The following LRRN4 variants were observed in gnomAD, a reference collection of about 807,000 sequenced individuals.
LRRN4 encodes the protein leucine rich repeat neuronal 4, also known as leucine-rich repeat neuronal protein 4.
LRRN4 carries 26 observed loss-of-function variants against 22.3 expected under a neutral mutation model. The ratio of observed to expected loss-of-function variants is 1.16; its 90% CI spans 0.85 to 1.62. The LOEUF (loss-of-function observed/expected upper bound fraction) is 1.62, where lower values mean the gene tolerates loss of function less well. LRRN4 is among the 40% of genes most tolerant of loss of function. The pLI, the probability that LRRN4 is intolerant of heterozygous loss-of-function variation, is 0.00. For missense variants in LRRN4, 1,070 were observed against 1,008.5 expected (o/e 1.06, Z -0.83); for synonymous variants, 496 against 486.2 (o/e 1.02, Z -0.26).
rs761559261 is a variant in LRRN4 at position 6,041,047 on chromosome 20, G to A, written c.2198C>T (p.Pro733Leu). 4 of 1,613,952 alleles carry A rather than the reference G, an allele frequency of 2.5e-6. No homozygotes were observed. Among genetic ancestry groups the A allele is most frequent in the Admixed American group, 1.7e-5 (1 of 60,016 alleles). The change falls in exon 5 of 5, where the codon CCG (proline) becomes CTG (leucine). Residue 733 changes from proline to leucine, a missense_variant. Physicochemically the swap from Pro to Leu is moderately conservative, Grantham distance 98. Transcript: ENST00000378858. This position sits in a 1 kb window ranked among gnomAD's most constrained non-coding sequence, Gnocchi z 9.4. ...AYKNPAFDDY[P>L]LGLQTVS ...CTAACTGACGGTCTGGAGCCCCAGC[G>A]GGTAATCATCAAAGGCCGGGTTTTT...
In LRRN4 at chr20:6,041,450, G is replaced by A. The variant is rs1198318255; in HGVS notation, c.1795C>T (p.His599Tyr). ...TETTDTSALV[H>Y]WCAPNSVVHG... ...ACTACCGAGTTGGGGGCACACCAGT[G>A]GACCAGCGCCGACGTGTCCGTGGTC... Residue 599 changes from histidine (H) to tyrosine (Y), a missense_variant, in exon 5 of 5, where the codon CAC becomes TAC. By Grantham distance (83) the His-to-Tyr change is moderately conservative. Coordinates refer to ENST00000378858, the MANE Select transcript of LRRN4 (RefSeq NM_152611.5). The surrounding 1 kb of genome is among the most constrained non-coding windows in gnomAD (Gnocchi z 9.4). 1 of 1,554,478 alleles carries A rather than the reference G, an allele frequency of 6.4e-7. No homozygotes were observed. The highest frequency in any genetic ancestry group is 8.7e-7 in the Non-Finnish European group (1 of 1,148,530).
At chr20:6,042,934 AAAAT>A (rs1348763752) in intron 4 of LRRN4, among the ~76,000 whole-genome samples, 1 of 149,664 alleles carries the variant, frequency 6.7e-6, no homozygotes, top group African/African-American at 2.5e-5. Flanking sequence ...AAAAAAAAAA[AAAAT>A]ACTCATACTA....
rs528402788 is a variant in LRRN4 at position 6,041,948 on chromosome 20, T to C, written c.1297A>G (p.Thr433Ala). Residue 433 changes from threonine to alanine, a missense_variant, in exon 5 of 5, where the codon ACG becomes GCG. Coordinates refer to ENST00000378858, the MANE Select transcript of LRRN4 (RefSeq NM_152611.5). This position sits in a 1 kb window ranked among gnomAD's most constrained non-coding sequence, Gnocchi z 9.4. ...CTGTGACCTGCTACAGAGTTGGTCG[T>C]GGAGGGGGCAGTCCCCTCCCGTGCA... ...SDAREGTAPS[T>A]TNSVAGHSNS... 2.5e-5 allele frequency: 41 copies of C among 1,614,082 alleles called. No homozygotes were observed. The African/African-American group carries it at 4.7e-4, about 18-fold the overall frequency.
intron 1 of LRRN4, 110 bp from the exon 2 acceptor site, chr20:6,052,914 T>G (rs1019041500): frequency 1.3e-5 from 15 of 1,151,764 alleles, no homozygotes; most frequent in Non-Finnish European, 1.8e-5. Flanking sequence ...GCACAGGCGC[T>G]GGATGTTCCC....
chr20:6,044,599 A>G lies in LRRN4; in HGVS notation c.942T>C (p.Thr314=), dbSNP rs143224850. 4.9e-4 allele frequency: 780 copies of G among 1,594,466 alleles called. 3 individuals carry two copies. Among genetic ancestry groups the G allele is most frequent in the Middle Eastern group, 4.5e-3 (27 of 6,038 alleles). The change falls in exon 4 of 5, where the codon ACT becomes ACC. Residue 314 remains threonine (T), a synonymous_variant. Coordinates refer to ENST00000378858, the MANE Select transcript of LRRN4 (RefSeq NM_152611.5). ...LSINLFGNPL[T]CSCDLSWLLT... ...GGAGCCAAGACAAGTCACAACTGCA[A>G]GTGAGGGGGTTGCCAAAGAGGTTGA... is the stretch of plus-strand genomic sequence containing the variant.
Position 6,041,637 on chromosome 20 carries a change from C to T in LRRN4, c.1608G>A (p.Glu536=). The part of the protein sequence containing the change: ...DYSEEEEGRK[E]EVGTPHQDVP... The stretch of plus-strand genomic sequence containing the variant: ...CGTCCTGGTGAGGCGTTCCCACCTC[C>T]TCCTTCCTCCCTTCCTCCTCCTCAC... Residue 536 remains glutamate, a synonymous_variant, in exon 5 of 5, where the codon GAG becomes GAA. Coordinates refer to ENST00000378858, the MANE Select transcript of LRRN4 (RefSeq NM_152611.5). This position sits in a 1 kb window ranked among gnomAD's most constrained non-coding sequence, Gnocchi z 9.4. 1 of 1,601,530 alleles carries T rather than the reference C, an allele frequency of 6.2e-7. No homozygotes were observed. Among genetic ancestry groups the T allele is most frequent in the Non-Finnish European group, 8.5e-7 (1 of 1,172,914 alleles).
In LRRN4 at chr20:6,041,172, G is replaced by C. The variant is rs754466150; in HGVS notation, c.2073C>G (p.Ser691Arg). 2 of 1,598,812 alleles carry C rather than the reference G, an allele frequency of 1.3e-6. No homozygotes were observed. The highest frequency in any genetic ancestry group is 1.3e-5 in the African/African-American group (1 of 74,472). Residue 691 changes from serine (S) to arginine (R), a missense_variant, in exon 5 of 5, where the codon AGC (serine) becomes AGG (arginine). Ser to Arg is a moderately radical substitution (Grantham distance 110, BLOSUM62 -1). Coordinates refer to ENST00000378858, the MANE Select transcript of LRRN4 (RefSeq NM_152611.5). The surrounding 1 kb of genome is among the most constrained non-coding windows in gnomAD (Gnocchi z 9.4). The part of the protein sequence containing the change: ...ALLLSGLCAA[S>R]GLLLASTVVL... The stretch of plus-strand genomic sequence containing the variant: ...CCACGGTGCTGGCGAGCAACAGGCC[G>C]CTGGCGGCGCACAGCCCAGAGAGCA...
chr20:6,042,105 G>A lies in LRRN4; in HGVS notation c.1140C>T (p.Arg380=). The A allele has an allele frequency of 6.2e-7, 1 of 1,614,178 alleles. No homozygotes were observed. Among genetic ancestry groups the A allele is most frequent in the South Asian group, 1.1e-5 (1 of 91,090 alleles). ...LGASHPPCFN[R]STYAQGTTVA... is the part of the protein sequence containing the mutation. ...CGGTGGTACCCTGTGCGTAGGTGGA[G>A]CGGTTGAAGCAAGGTGGGTGTGAAG... Residue 380 remains arginine, a synonymous_variant, in exon 5 of 5, where the codon CGC becomes CGT. Transcript: ENST00000378858.
rs1292867114 is a variant in LRRN4 at position 6,052,343 on chromosome 20, G to A, written c.457C>T (p.Leu153Phe). ...PALSSLRALALAGNPLRALQP... is the reference protein window; with the variant it reads ...PALSSLRALAFAGNPLRALQP... ...AGCGCCCGCAGCGGATTCCCGGCGA[G>A]CGCCAGGGCGCGGAGGCTGCTCAGC... Residue 153 changes from leucine (L) to phenylalanine (F), a missense_variant, in exon 2 of 5, where the codon CTC (leucine) becomes TTC (phenylalanine). By Grantham distance (22) the Leu-to-Phe change is conservative (BLOSUM62 0). Transcript: ENST00000378858. 4.6e-6 allele frequency: 7 copies of A among 1,506,068 alleles called. No homozygotes were observed. The Admixed American group carries it at 1.5e-4, about 33-fold the overall frequency. The allele number at this position is 1,506,068 out of a possible 1,614,324, so 93.3% of individuals were successfully genotyped here. A position where few individuals can be genotyped will look rare whatever the true frequency, so the allele number is the denominator to read the frequency against.
intron 4 of LRRN4, 137 bp from the exon 5 acceptor site, chr20:6,042,383 G>T: frequency 2.2e-6 from 2 of 924,486 alleles, no homozygotes; most frequent in Non-Finnish European, 3.2e-6. Flanking sequence ...GGGCACACAC[G>T]CCGCACACAC....
chr20:6,042,385 C>A, intron 4 of LRRN4, 139 bp from the exon 5 acceptor site: 1 of 897,216 alleles, frequency 1.1e-6, no homozygotes, highest in Non-Finnish European at 1.6e-6. Flanking sequence ...GCACACACGC[C>A]GCACACACAC....
At position 6,052,560 on chromosome 20, in the gene LRRN4, G is replaced by T; in HGVS notation, c.240C>A (p.Leu80=). The T allele has an allele frequency of 6.3e-7, 1 of 1,579,318 alleles. No homozygotes were observed. The highest frequency in any genetic ancestry group is 2.3e-5 in the East Asian group (1 of 43,736). ...CGCGCAGCAGGTTGTGGCTGGCGTCGAGGCTGCGCAGTGTGCGCGGTAGGC... is the reference window on the plus strand; with the variant it reads ...CGCGCAGCAGGTTGTGGCTGGCGTCTAGGCTGCGCAGTGTGCGCGGTAGGC... The part of the protein sequence containing the change: ...PGCLPRTLRS[L]DASHNLLRAL... Residue 80 remains leucine, a synonymous_variant, in exon 2 of 5, where the codon CTC becomes CTA. Transcript: ENST00000378858.
rs2123060681 is a variant in LRRN4, at chr20:6,052,629, C to T, written c.171G>A (p.Thr57=). Reference sequence around the variant, plus strand: ...GGTTGCGGTTCGCCAGGGTCAAGGCCGTCGCATCCGCGGCGGGCAGCCCCT... The same window carrying T: ...GGTTGCGGTTCGCCAGGGTCAAGGCTGTCGCATCCGCGGCGGGCAGCCCCT... ...PCEGLPAADA[T]ALTLANRNLE... is the part of the protein sequence containing the mutation. The change falls in exon 2 of 5, where the codon ACG becomes ACA. Residue 57 remains threonine (T), a synonymous_variant. Coordinates refer to ENST00000378858, the MANE Select transcript of LRRN4 (RefSeq NM_152611.5). 6.3e-7 allele frequency: 1 copy of T among 1,588,022 alleles called. No homozygotes were observed. The highest frequency in any genetic ancestry group is 8.5e-7 in the Non-Finnish European group (1 of 1,174,580).
rs1226215616 is a variant in LRRN4, at chr20:6,041,911, AC to A, written c.1333del (p.Val445PhefsTer50). 3.7e-6 allele frequency: 6 copies of A among 1,613,876 alleles called. No individual in the cohort carries two copies. Among genetic ancestry groups the A allele is most frequent in the Non-Finnish European group, 5.1e-6 (6 of 1,179,952 alleles). ...GGTGGTGCTGGCAGCCCTGGGGAAA[AC>A]GCTGGAGTTGCTGTGACCTGCTACA... ...NSVAGHSNSSVFPRAASTTRT... is the reference protein window; with the variant it reads ...NSVAGHSNSSXFPRAASTTRT... On this transcript the variant is annotated frameshift_variant, in exon 5 of 5. Coordinates refer to ENST00000378858, the MANE Select transcript of LRRN4 (RefSeq NM_152611.5). LOFTEE classifies it low-confidence loss of function (END_TRUNC). This position sits in a 1 kb window ranked among gnomAD's most constrained non-coding sequence, Gnocchi z 9.4.
rs762693769 is a variant in LRRN4 at position 6,042,228 on chromosome 20, G to A, written c.1017C>T (p.Cys339=). 4 of 1,611,660 alleles carry A rather than the reference G, an allele frequency of 2.5e-6. No individual in the cohort carries two copies. The highest frequency in any genetic ancestry group is 3.4e-6 in the Non-Finnish European group (4 of 1,179,026). ...TVLSRAADTM[C]APAAGSSGPF... ...GGCCGCTGGATCCCGCAGCTGGCGC[G>A]CACATAGTGTCTGCTGCCCTGGAGG... Residue 339 remains cysteine, a synonymous_variant, in exon 5 of 5, where the codon TGC becomes TGT. Transcript: ENST00000378858.
chr20:6,045,138 A>G lies in LRRN4; in HGVS notation c.861-458T>C, dbSNP rs925886608. ...CAATATTCCCATGACTGATCGTTGTATCAAAAAGAATGTGTGTTGGCTGGG... is the reference window on the plus strand; with the variant it reads ...CAATATTCCCATGACTGATCGTTGTGTCAAAAAGAATGTGTGTTGGCTGGG... On this transcript the variant is annotated intron_variant, in intron 3 of 4. Coordinates refer to ENST00000378858, the MANE Select transcript of LRRN4 (RefSeq NM_152611.5). Among the ~76,000 whole-genome samples the G allele has an allele frequency of 4.0e-5, 6 of 148,644 alleles. 1 individual carries two copies. Among genetic ancestry groups the G allele is most frequent in the Non-Finnish European group, 7.5e-5 (5 of 66,488 alleles).
intron 4 of LRRN4, among the ~76,000 whole-genome samples, chr20:6,043,880 C>G (rs1181555416): frequency 6.6e-6 from 1 of 152,112 alleles, no homozygotes; most frequent in African/African-American, 2.4e-5. Flanking sequence ...TGCACTCCAG[C>G]CTGCGCAACA....
Position 6,041,230 on chromosome 20 carries a change from G to A in LRRN4, c.2015C>T (p.Ala672Val), listed in dbSNP as rs754330860. The A allele has an allele frequency of 3.2e-6, 5 of 1,581,552 alleles. No homozygotes were observed. Among genetic ancestry groups the A allele is most frequent in the Non-Finnish European group, 4.3e-6 (5 of 1,163,130 alleles). ...GAAGCTGGGCTTGGTGGTGAAGGCG[G>A]CGCACGGGCTCCTCCAGCCCGAAGA... The part of the protein sequence containing the change: ...PRSSGWRSPC[A>V]AFTTKPSFAL... Residue 672 changes from alanine to valine, a missense_variant, in exon 5 of 5, where the codon GCC (alanine) becomes GTC (valine). Physicochemically the swap from Ala to Val is moderately conservative, Grantham distance 64. Coordinates refer to ENST00000378858, the MANE Select transcript of LRRN4 (RefSeq NM_152611.5). The surrounding 1 kb of genome is among the most constrained non-coding windows in gnomAD (Gnocchi z 9.4).
At chr20:6,043,981 G>C (rs1181751628) in intron 4 of LRRN4, among the ~76,000 whole-genome samples, 1 of 152,130 alleles carries the variant, frequency 6.6e-6, no homozygotes, top group African/African-American at 2.4e-5. Flanking sequence ...GTGTTTACTT[G>C]GTGGAAATGG....
Sources: gnomAD v4.1 joint callset for allele counts (sites outside exome capture counted in the v4.1 genomes callset) on GRCh38, gnomAD v4.1.1 for gene constraint, Gnocchi (gnomAD v3.1) non-coding constraint, MANE v1.5 for transcripts, NCBI Gene and HGNC (gene_info 2026-07-23, HGNC 2026-07-21) for gene names.